WDR27: variants seen among roughly 807,000 people sequenced by gnomAD.
WDR27 encodes the protein WD repeat-containing protein 27.
Under a neutral mutation model 114.4 loss-of-function variants are expected in WDR27, and 100 were observed. The ratio of observed to expected loss-of-function variants is 0.87; its 90% CI spans 0.74 to 1.03. The LOEUF (loss-of-function observed/expected upper bound fraction) is 1.03, where lower values mean the gene tolerates loss of function less well. WDR27 is among the 50% of genes least tolerant of loss of function. The probability of loss-of-function intolerance (pLI) is 0.00; values close to 1 mark genes in which losing one functional copy is unlikely to be tolerated. For synonymous variants in WDR27, 449 were observed against 423.1 expected, an observed-to-expected ratio of 1.06 and a Z score of -0.75; for missense variants, 1,129 against 1,092.9, an observed-to-expected ratio of 1.03 and a Z score of -0.47.
chr6:169,427,341 C>T, the WDR27 span, among the ~76,000 whole-genome samples: 2 of 152,144 alleles, frequency 1.3e-5, no homozygotes, highest in Non-Finnish European at 2.9e-5. Context: ...GGCTGAGAGA[C>T]AGGGAGGACC....
At chr6:169,593,771 C>T (rs573633332) in intron 23 of WDR27, among the ~76,000 whole-genome samples, 2 of 152,248 alleles carry the variant, frequency 1.3e-5, no homozygotes, top group East Asian at 3.9e-4. Context: ...ACCTCTTGAA[C>T]CCGGGAGGCG....
At chr6:169,503,083 C>A (rs1027157641) in intron 25 of WDR27, among the ~76,000 whole-genome samples, 3 of 152,194 alleles carry the variant, frequency 2.0e-5, no homozygotes, top group African/African-American at 7.2e-5. Flanking sequence ...AGGTTTGTCT[C>A]TGGCTGTGTC....
intron 25 of WDR27, among the ~76,000 whole-genome samples, chr6:169,547,869 T>A (rs1332586784): frequency 2.6e-5 from 4 of 152,038 alleles, no homozygotes; most frequent in African/African-American, 9.7e-5. Flanking sequence ...AAAACTGACT[T>A]TGTAGATGAC....
intron 22 of WDR27, among the ~76,000 whole-genome samples, chr6:169,610,219 C>T (rs766657934): frequency 2.0e-5 from 3 of 152,206 alleles, no homozygotes; most frequent in South Asian, 2.1e-4. Flanking sequence ...GTTCCAAAGT[C>T]GCTTCCACAT....
chr6:169,583,492 T>C (rs1482169614), intron 23 of WDR27, among the ~76,000 whole-genome samples: 6 of 103,486 alleles, frequency 5.8e-5, no homozygotes, highest in African/African-American at 3.1e-4. Context: ...TATATACATA[T>C]ATATATATAT....
intron 25 of WDR27, among the ~76,000 whole-genome samples, chr6:169,480,094 C>T (rs1388251274): frequency 6.6e-6 from 1 of 152,176 alleles, no homozygotes; most frequent in Non-Finnish European, 1.5e-5. Flanking sequence ...AGCGTGAGTT[C>T]CAGGTGGATG....
chr6:169,664,227 T>C lies in WDR27; in HGVS notation c.843A>G (p.Leu281=), dbSNP rs1161095252. Residue 281 remains leucine, a synonymous_variant, in exon 8 of 26, where the codon CTA becomes CTG. Transcript: ENST00000448612. ...HHYRRVARVD[L]RKKTETFSTR... ...TGGAGAAAGTCTCTGTCTTCTTCCT[T>C]AGGTCAACCCGTGCCACACGACGAT... 1.2e-6 allele frequency: 2 copies of C among 1,613,524 alleles called. No individual in the cohort carries two copies. The highest frequency in any genetic ancestry group is 1.7e-6 in the Non-Finnish European group (2 of 1,179,586).
At chr6:169,671,965 A>C (rs1778854831) in intron 3 of WDR27, 1 of 232,914 alleles carries the variant, frequency 4.3e-6, no homozygotes, top group Non-Finnish European at 8.2e-6. Context: ...GTTGATACAA[A>C]ATGGACAGTT....
rs368743714 is a variant in WDR27 at position 169,660,733 on chromosome 6, G to A, written c.1059C>T (p.Ile353=). 83 of 1,613,774 alleles carry A rather than the reference G, an allele frequency of 5.1e-5. No individual in the cohort carries two copies. The African/African-American group carries it at 9.5e-4, about 18-fold the overall frequency. ...ATACGAATAAGCCCACTGAGCTTCC[G>A]ATCCACACACATCGGGTGTTCTCAG... ...LSSENTRCVW[I]GSSVGLFVFN... Residue 353 remains isoleucine (I), a synonymous_variant, in exon 10 of 26, where the codon ATC becomes ATT. Coordinates refer to ENST00000448612, the MANE Select transcript of WDR27 (RefSeq NM_182552.5).
intron 22 of WDR27, 42 bp downstream of exon 22, chr6:169,613,517 G>T: frequency 1.3e-6 from 2 of 1,507,920 alleles, no homozygotes; most frequent in South Asian, 2.3e-5. Flanking sequence ...TATATCTCTT[G>T]AGCTCCCCAC....
chr6:169,587,940 G>T (rs1804969605), intron 23 of WDR27, among the ~76,000 whole-genome samples: 1 of 152,188 alleles, frequency 6.6e-6, no homozygotes, highest in Admixed American at 6.5e-5. Context: ...TTTCTGTAAA[G>T]CCGTGGCTTT....
Position 169,582,889 on chromosome 6 carries a change from C to A in WDR27, c.2470G>T (p.Ala824Ser), listed in dbSNP as rs1189913384. The change falls in exon 24 of 26, where the codon GCT (alanine) becomes TCT (serine). Residue 824 changes from alanine (A) to serine (S), a missense_variant. Physicochemically the swap from Ala to Ser is moderately conservative, Grantham distance 99. Coordinates refer to ENST00000448612, the MANE Select transcript of WDR27 (RefSeq NM_182552.5). The part of the protein sequence containing the change: ...MGSSTFSHRL[A>S]GHTDTVTGVA... ...CCAGTGACAGTGTCTGTGTGCCCAG[C>A]CAGCCGGTGAGAAAACGTGCTTGAG... 7.4e-6 allele frequency: 12 copies of A among 1,613,924 alleles called. No homozygotes were observed. The highest frequency in any genetic ancestry group is 1.0e-5 in the Non-Finnish European group (12 of 1,179,884).
intron 25 of WDR27, among the ~76,000 whole-genome samples, chr6:169,468,779 G>T (rs1254019926): frequency 6.6e-6 from 1 of 152,140 alleles, no homozygotes; most frequent in African/African-American, 2.4e-5. Context: ...ACATAGATGG[G>T]GGGCCTAAAC....
intron 25 of WDR27, among the ~76,000 whole-genome samples, chr6:169,534,566 T>C (rs1314878057): frequency 6.6e-6 from 1 of 152,136 alleles, no homozygotes; most frequent in Non-Finnish European, 1.5e-5. Context: ...TTAATCTCTT[T>C]ACTTGTTATA....
chr6:169,472,816 T>C (rs1786608320), intron 25 of WDR27, among the ~76,000 whole-genome samples: 1 of 152,206 alleles, frequency 6.6e-6, no homozygotes, highest in South Asian at 2.1e-4. Context: ...ACTGCATTTA[T>C]TTAAAAGTCC....
intron 2 of WDR27, among the ~76,000 whole-genome samples, chr6:169,682,535 G>A (rs989933902): frequency 6.6e-6 from 1 of 152,228 alleles, no homozygotes. Context: ...GGCTGCAGTG[G>A]TCATGGGCTC....
chr6:169,655,870 C>A (rs1277765733), intron 13 of WDR27, among the ~76,000 whole-genome samples: 3 of 152,160 alleles, frequency 2.0e-5, no homozygotes, highest in Non-Finnish European at 4.4e-5. Context: ...CAGGCGCCCG[C>A]CAACCACGCC....
chr6:169,593,600 C>A (rs1806190447), intron 23 of WDR27, among the ~76,000 whole-genome samples: 1 of 152,152 alleles, frequency 6.6e-6, no homozygotes. Context: ...GTAATCCCTG[C>A]ACTTTGGGAG....
intron 25 of WDR27, among the ~76,000 whole-genome samples, chr6:169,481,325 C>T (rs952373354): frequency 3.9e-5 from 6 of 152,188 alleles, no homozygotes; most frequent in Non-Finnish European, 1.5e-5. Flanking sequence ...GTAAAACAGA[C>T]CAATCAGCGC....
Sources: gnomAD v4.1 joint callset for allele counts (sites outside exome capture counted in the v4.1 genomes callset) on GRCh38, gnomAD v4.1.1 for gene constraint, MANE v1.5 for transcripts, NCBI Gene and HGNC (gene_info 2026-07-23, HGNC 2026-07-21) for gene names.